The following EMB variants were observed in gnomAD, a reference collection of about 807,000 sequenced individuals.
The protein encoded by EMB is embigin.
Under a neutral mutation model 41.4 loss-of-function variants are expected in EMB, and 31 were observed. That is an observed-to-expected ratio of 0.75 (90% CI 0.56 to 1.01). The LOEUF (loss-of-function observed/expected upper bound fraction) is 1.01. EMB is among the 50% of genes least tolerant of loss of function. The pLI is 0.00. For synonymous variants in EMB, 137 were observed against 140.4 expected (o/e 0.98, Z 0.17); for missense variants, 379 against 388.3 (o/e 0.98, Z 0.20).
At position 50,428,153 on chromosome 5, in the gene EMB, A is replaced by T; in HGVS notation, c.187T>A (p.Ser63Thr). 1 of 1,602,624 alleles carries T rather than the reference A, an allele frequency of 6.2e-7. No homozygotes were observed. The highest frequency in any genetic ancestry group is 8.5e-7 in the Non-Finnish European group (1 of 1,171,850). The change falls in exon 2 of 9, where the codon TCA (serine) becomes ACA (threonine). Residue 63 changes from serine (S) to threonine (T), a missense_variant. Transcript: ENST00000303221. ...NNFSLESHNISLTEHSSMPVE... is the reference protein window; with the variant it reads ...NNFSLESHNITLTEHSSMPVE... Reference sequence around the variant, plus strand: ...AACATGATACATTTACCAGTCAGTGATATGTTATGACTCTCCAAGGAAAAG... The same window carrying T: ...AACATGATACATTTACCAGTCAGTGTTATGTTATGACTCTCCAAGGAAAAG...
At chr5:50,420,521 T>C (rs1295031560) in intron 2 of EMB, among the ~76,000 whole-genome samples, 1 of 152,194 alleles carries the variant, frequency 6.6e-6, no homozygotes, top group African/African-American at 2.4e-5. Flanking sequence ...CCTCTAACCT[T>C]ACAACACTGC....
intron 2 of EMB, among the ~76,000 whole-genome samples, chr5:50,414,377 A>C (rs1391487935): frequency 6.6e-6 from 1 of 151,732 alleles, no homozygotes; most frequent in Non-Finnish European, 1.5e-5. Context: ...AAAAGAAAAA[A>C]TTAGCCAGGC....
At chr5:50,434,362 A>C (rs996463019) in intron 1 of EMB, among the ~76,000 whole-genome samples, 10 of 152,206 alleles carry the variant, frequency 6.6e-5, no homozygotes. Flanking sequence ...TGTGGCCCTA[A>C]ATTCCTGTTC....
chr5:50,412,764 G>C (rs1485745745), intron 2 of EMB, among the ~76,000 whole-genome samples: 3 of 151,916 alleles, frequency 2.0e-5, no homozygotes, highest in Non-Finnish European at 4.4e-5. Flanking sequence ...CAGAGAAAAA[G>C]TTCCTCCCTG....
chr5:50,404,179 T>C (rs1020486074), intron 5 of EMB, among the ~76,000 whole-genome samples: 1 of 152,020 alleles, frequency 6.6e-6, no homozygotes, highest in Non-Finnish European at 1.5e-5. Flanking sequence ...TTTGATGCTT[T>C]TCCTGCTCCA....
chr5:50,420,337 T>C (rs1434415168), intron 2 of EMB, among the ~76,000 whole-genome samples: 1 of 152,184 alleles, frequency 6.6e-6, no homozygotes, highest in African/African-American at 2.4e-5. Context: ...AAACTGCAGG[T>C]GTTTACACCC....
intron 4 of EMB, among the ~76,000 whole-genome samples, chr5:50,406,767 G>A (rs893062158): frequency 3.3e-5 from 5 of 151,768 alleles, no homozygotes; most frequent in African/African-American, 1.2e-4. Flanking sequence ...GTGTGTGTGC[G>A]CACATGCGTG....
chr5:50,424,251 A>C (rs955716610), intron 2 of EMB, among the ~76,000 whole-genome samples: 5 of 152,202 alleles, frequency 3.3e-5, no homozygotes, highest in African/African-American at 1.2e-4. Flanking sequence ...TAGGTGTGGC[A>C]GGAGGGTTTT....
rs1170588137 is a variant in EMB, at chr5:50,403,202, T to C, written c.853A>G (p.Thr285Ala). The change falls in exon 6 of 9, where the codon ACA becomes GCA. Residue 285 changes from threonine (T) to alanine (A), a missense_variant. Coordinates refer to ENST00000303221, the MANE Select transcript of EMB (RefSeq NM_198449.3). ...CCTGAGTGCTTCTTTTTCTTTTGTG[T>C]GTACTTTTCACAAAGCAGAATGGTG... The part of the protein sequence containing the change: ...VATILLCEKY[T>A]QKKKKHSDEG... The C allele has an allele frequency of 3.1e-6, 5 of 1,610,744 alleles. No individual in the cohort carries two copies. The Admixed American group carries it at 8.4e-5, about 27-fold the overall frequency.
At chr5:50,412,587 C>T (rs1745359577) in intron 2 of EMB, among the ~76,000 whole-genome samples, 1 of 151,860 alleles carries the variant, frequency 6.6e-6, no homozygotes, top group African/African-American at 2.4e-5. Context: ...CCTTTCTCTC[C>T]TCCTCTCCTT....
At chr5:50,421,928 G>A (rs1229617521) in intron 2 of EMB, among the ~76,000 whole-genome samples, 3 of 150,378 alleles carry the variant, frequency 2.0e-5, no homozygotes, top group African/African-American at 7.3e-5. Flanking sequence ...ATAGCATTAG[G>A]AGATATACCT....
intron 2 of EMB, among the ~76,000 whole-genome samples, chr5:50,415,182 C>T (rs968101385): frequency 2.4e-4 from 37 of 152,014 alleles, no homozygotes; most frequent in African/African-American, 8.9e-4. Context: ...ACAAATTTGC[C>T]CAGTTTTATC....
chr5:50,440,767 T>C (rs1333583362), intron 1 of EMB, among the ~76,000 whole-genome samples: 1 of 152,078 alleles, frequency 6.6e-6, no homozygotes, highest in Non-Finnish European at 1.5e-5. Context: ...CTCTGCCCTG[T>C]TACCTACGCG....
At chr5:50,441,805 A>G (rs1026717930), upstream of EMB, among the ~76,000 whole-genome samples, 1 of 152,166 alleles carries the variant, frequency 6.6e-6, no homozygotes, top group African/African-American at 2.4e-5. Flanking sequence ...AAGGCCCCAT[A>G]CCGTGTCTGA....
chr5:50,404,428 G>C (rs1745216396), intron 5 of EMB, among the ~76,000 whole-genome samples: 1 of 151,994 alleles, frequency 6.6e-6, no homozygotes, highest in Non-Finnish European at 1.5e-5. Flanking sequence ...TCTACATTTT[G>C]AAAAGGCACT....
intron 2 of EMB, among the ~76,000 whole-genome samples, chr5:50,426,397 A>C (rs1745611026): frequency 6.6e-6 from 1 of 152,260 alleles, no homozygotes; most frequent in African/African-American, 2.4e-5. Flanking sequence ...TTTGTTAATA[A>C]TTAGCAATAT....
intron 4 of EMB, among the ~76,000 whole-genome samples, chr5:50,409,383 A>AG (rs1449837747): frequency 6.6e-6 from 1 of 152,120 alleles, no homozygotes; most frequent in Non-Finnish European, 1.5e-5. Flanking sequence ...ACAATGTCTT[A>AG]GAAAAAAAAA....
chr5:50,407,105 T>C (rs1240668242), intron 4 of EMB, among the ~76,000 whole-genome samples: 4 of 152,000 alleles, frequency 2.6e-5, no homozygotes, highest in Non-Finnish European at 4.4e-5. Context: ...CAGTTTCCGC[T>C]TTCCCAGGTT....
At chr5:50,440,791 G>A (rs575050463) in intron 1 of EMB, among the ~76,000 whole-genome samples, 2 of 152,156 alleles carry the variant, frequency 1.3e-5, no homozygotes, top group Admixed American at 6.5e-5. Context: ...GACTCGCGGG[G>A]CGCTGTTCGT....
Sources: gnomAD v4.1 joint callset for allele counts (sites outside exome capture counted in the v4.1 genomes callset) on GRCh38, gnomAD v4.1.1 for gene constraint, MANE v1.5 for transcripts, NCBI Gene and HGNC (gene_info 2026-07-23, HGNC 2026-07-21) for gene names.